PHF20: variants seen among roughly 807,000 people sequenced by gnomAD.
PHF20 encodes the protein PHD finger protein 20.
Under a neutral mutation model 113.5 loss-of-function variants are expected in PHF20, and 23 were observed. The ratio of observed to expected loss-of-function variants is 0.20; its 90% CI spans 0.15 to 0.29. The LOEUF is 0.29. PHF20 is among the 10% of genes least tolerant of loss of function. The pLI, the probability that PHF20 is intolerant of heterozygous loss-of-function variation, is 1.00. For synonymous variants in PHF20, 434 were observed against 457.3 expected (o/e 0.95, Z 0.65); for missense variants, 943 against 1,219.6 (o/e 0.77, Z 3.38).
intron 7 of PHF20, 86 bp downstream of exon 7, chr20:35,869,637 T>A (rs1474876406): frequency 1.3e-6 from 1 of 767,084 alleles, no homozygotes; most frequent in East Asian, 2.5e-5. Flanking sequence ...CCCCATTCCC[T>A]ATAGGCTCTA....
intron 14 of PHF20, among the ~76,000 whole-genome samples, chr20:35,928,141 T>C (rs1600950155): frequency 6.6e-6 from 1 of 151,806 alleles, no homozygotes; most frequent in African/African-American, 2.4e-5. Context: ...AATTATGGTT[T>C]AAAAAAAATG....
At chr20:35,823,668 A>G (rs76054540) in intron 2 of PHF20, among the ~76,000 whole-genome samples, 165 of 150,300 alleles carry the variant, frequency 1.1e-3, no homozygotes, top group African/African-American at 3.8e-3. Flanking sequence ...GTGAAGAAAG[A>G]AAAAAAAAGA....
At chr20:35,860,773 A>C (rs2054205211) in intron 5 of PHF20, among the ~76,000 whole-genome samples, 1 of 152,142 alleles carries the variant, frequency 6.6e-6, no homozygotes, top group African/African-American at 2.4e-5. Context: ...TTGTAGAACG[A>C]GTTAATATAG....
At chr20:35,914,010 C>G (rs761986957) in intron 11 of PHF20, 23 bp from the exon 12 acceptor site, 3 of 1,612,338 alleles carry the variant, frequency 1.9e-6, no homozygotes, top group Middle Eastern at 1.7e-4. Context: ...GTTATTCATT[C>G]CTTCCTGATC....
intron 9 of PHF20, among the ~76,000 whole-genome samples, chr20:35,873,561 C>A (rs887427628): frequency 2.7e-5 from 4 of 150,270 alleles, no homozygotes; most frequent in Non-Finnish European, 5.9e-5. Context: ...GTCTGCCTCC[C>A]GGGTTGAAGC....
intron 2 of PHF20, among the ~76,000 whole-genome samples, chr20:35,837,601 G>A (rs1246846720): frequency 6.6e-6 from 1 of 152,172 alleles, no homozygotes; most frequent in Non-Finnish European, 1.5e-5. Context: ...TGCTATTTTG[G>A]TAGGTAAAAA....
intron 17 of PHF20, 151 bp from the exon 18 acceptor site, chr20:35,947,333 AT>A: frequency 1.2e-5 from 8 of 644,030 alleles, no homozygotes; most frequent in South Asian, 1.2e-4. Context: ...GCTGGCTGAA[AT>A]GGCCCTTCCT....
chr20:35,897,803 G>A (rs2055015885), intron 9 of PHF20, among the ~76,000 whole-genome samples: 1 of 151,660 alleles, frequency 6.6e-6, no homozygotes, highest in African/African-American at 2.4e-5. Context: ...TCCTGACCTT[G>A]TGATCTGCCT....
At chr20:35,902,359 C>T (rs1448162153) in intron 10 of PHF20, among the ~76,000 whole-genome samples, 1 of 152,184 alleles carries the variant, frequency 6.6e-6, no homozygotes, top group East Asian at 1.9e-4. Context: ...AAGTAGAGTG[C>T]AGCCTACCCC....
intron 1 of PHF20, among the ~76,000 whole-genome samples, chr20:35,791,517 C>T (rs1387989073): frequency 2.2e-5 from 3 of 138,222 alleles, no homozygotes; most frequent in Non-Finnish European, 4.6e-5. Flanking sequence ...ATAGTATATA[C>T]ATATATATCT....
intron 9 of PHF20, chr20:35,878,848 A>G (rs935216558): frequency 2.1e-6 from 1 of 474,908 alleles, no homozygotes; most frequent in Non-Finnish European, 3.8e-6. Flanking sequence ...TTAGATGGTA[A>G]CACGGCATTT....
chr20:35,914,090 C>T lies in PHF20; in HGVS notation c.1718C>T (p.Ala573Val). 6.2e-7 allele frequency: 1 copy of T among 1,614,156 alleles called. No homozygotes were observed. Residue 573 changes from alanine to valine, a missense_variant, in exon 12 of 18, where the codon GCA (alanine) becomes GTA (valine). This residue lies in a region of PHF20 where 592 missense variants were observed against 787.2 expected (regional missense o/e 0.75). Transcript: ENST00000374012. ...TCCCAGGAACCTTCTCCACCCAAGG[C>T]ATTTGCTGTTACCAGGTGTGGGTCC... ...DTSQEPSPPK[A>V]FAVTRCGSSH...
chr20:35,923,267 T>C (rs2024854), intron 13 of PHF20, among the ~76,000 whole-genome samples: 39,481 of 152,048 alleles, frequency 0.26, 6,159 homozygotes, highest in African/African-American at 0.44. Flanking sequence ...GTATTAAGTG[T>C]CCAACTCCAG....
At chr20:35,925,335 C>T (rs1271874607) in intron 13 of PHF20, among the ~76,000 whole-genome samples, 1 of 151,434 alleles carries the variant, frequency 6.6e-6, no homozygotes, top group Non-Finnish European at 1.5e-5. Context: ...TCTTGGCTCA[C>T]TGCAACCTCC....
Position 35,806,962 on chromosome 20 carries a change from A to AT in PHF20, c.83+5363dup, listed in dbSNP as rs1315947580. Among the ~76,000 whole-genome samples the AT allele has an allele frequency of 9.2e-5, 14 of 151,600 alleles. No individual in the cohort carries two copies. In the South Asian group the frequency reaches 1.2e-3, roughly 14 times the overall value. On this transcript the variant is annotated intron_variant, in intron 2 of 17. Coordinates refer to ENST00000374012, the MANE Select transcript of PHF20 (RefSeq NM_016436.5). ...AGGTGCCTGCCACCACGCCCGGCTAATTTTTTGTATTTTTAGCAGAGACGG... is the reference window on the plus strand; with the variant it reads ...AGGTGCCTGCCACCACGCCCGGCTAATTTTTTTGTATTTTTAGCAGAGACGG...
At chr20:35,831,223 G>T (rs530125414) in intron 2 of PHF20, among the ~76,000 whole-genome samples, 2 of 149,400 alleles carry the variant, frequency 1.3e-5, no homozygotes, top group Non-Finnish European at 2.9e-5. Context: ...TCAGTAGTGC[G>T]ATCATGACTC....
At chr20:35,911,319 G>A (rs1181923648) in intron 10 of PHF20, among the ~76,000 whole-genome samples, 1 of 152,216 alleles carries the variant, frequency 6.6e-6, no homozygotes, top group African/African-American at 2.4e-5. Flanking sequence ...TGGGATTACC[G>A]GCATGAGCCA....
chr20:35,857,575 T>G (rs920383755), intron 4 of PHF20, among the ~76,000 whole-genome samples: 10 of 130,710 alleles, frequency 7.7e-5, no homozygotes, highest in East Asian at 4.2e-4. Context: ...TTTTTTTTTT[T>G]TTTTTTTTTT....
intron 13 of PHF20, among the ~76,000 whole-genome samples, chr20:35,918,321 G>C (rs2055445745): frequency 6.6e-6 from 1 of 152,082 alleles, no homozygotes; most frequent in Non-Finnish European, 1.5e-5. Context: ...TTGGGAAGCT[G>C]AGTTTTTAAA....
Sources: allele counts gnomAD v4.1 joint callset (sites outside exome capture counted in the v4.1 genomes callset), GRCh38; gene constraint gnomAD v4.1.1; regional missense constraint gnomAD v4.1.1; transcripts MANE v1.5; gene names NCBI Gene and HGNC (gene_info 2026-07-23, HGNC 2026-07-21).